The following DAG1 variants were observed in gnomAD, a reference collection of about 807,000 sequenced individuals.
DAG1 encodes the protein dystroglycan 1 (dystrophin-associated glycoprotein 1).
In DAG1, 8 loss-of-function variants were observed where a neutral mutation model predicts 46.1. That is an observed-to-expected ratio of 0.17 (90% confidence interval 0.10 to 0.31). The LOEUF (loss-of-function observed/expected upper bound fraction) is 0.31, where lower values mean the gene tolerates loss of function less well. Ranked by LOEUF, DAG1 falls within the 10% of genes least tolerant of loss-of-function variation. DAG1 has a pLI of 1.00. For synonymous variants in DAG1, 495 were observed against 481.8 expected (o/e 1.03, Z -0.36); for missense variants, 1,003 against 1,189.9 (o/e 0.84, Z 2.31).
At chr3:49,505,332 G>A (rs965840320) in intron 1 of DAG1, among the ~76,000 whole-genome samples, 5 of 151,866 alleles carry the variant, frequency 3.3e-5, no homozygotes, top group Non-Finnish European at 7.4e-5. Context: ...AAACTCCTGG[G>A]TTCCTCCGTC....
At chr3:49,508,272 G>T (rs1271445533) in intron 1 of DAG1, among the ~76,000 whole-genome samples, 6 of 149,580 alleles carry the variant, frequency 4.0e-5, no homozygotes, top group African/African-American at 1.5e-4. Flanking sequence ...TGCATTCTCA[G>T]CTCACTTCAG....
Position 49,532,385 on chromosome 3 carries a change from A to G in DAG1, c.1874A>G (p.Lys625Arg), listed in dbSNP as rs763283347. The change falls in exon 3 of 3, where the codon AAG (lysine) becomes AGG (arginine). Residue 625 changes from lysine to arginine, a missense_variant. Around this residue, in one of 3 missense-constraint regions of DAG1, gnomAD observed 755 missense variants for 854.1 expected, o/e 0.88. Transcript: ENST00000308775. The surrounding 1 kb of genome is among the most constrained non-coding windows in gnomAD (Gnocchi z 5.4). ...GCACTGGTGTTGAATGACATCCACA[A>G]GAAGATTGCCTTGGTAAAGAAACTG... is the stretch of plus-strand genomic sequence containing the variant. ...DPALVLNDIH[K>R]KIALVKKLAF... 2 of 1,614,202 alleles carry G rather than the reference A, an allele frequency of 1.2e-6. No homozygotes were observed. The highest frequency in any genetic ancestry group is 2.2e-5 in the South Asian group (2 of 91,088).
chr3:49,469,593 G>A (rs1037802938), upstream of DAG1, among the ~76,000 whole-genome samples: 7 of 152,148 alleles, frequency 4.6e-5, no homozygotes, highest in African/African-American at 1.7e-4. Context: ...GCAGGGGGAG[G>A]GGACGAGGGT....
intron 1 of DAG1, among the ~76,000 whole-genome samples, chr3:49,486,782 C>T (rs574377653): frequency 2.0e-5 from 3 of 152,292 alleles, no homozygotes; most frequent in Non-Finnish European, 4.4e-5. Context: ...GGATTACAGG[C>T]GTGAGACACT....
At chr3:49,513,317 A>G (rs2107675313) in intron 2 of DAG1, among the ~76,000 whole-genome samples, 1 of 152,208 alleles carries the variant, frequency 6.6e-6, no homozygotes, top group Admixed American at 6.5e-5. Flanking sequence ...AGCACGATAG[A>G]TGGATTTTAA....
At chr3:49,506,016 G>A (rs1453318833) in intron 1 of DAG1, among the ~76,000 whole-genome samples, 1 of 136,162 alleles carries the variant, frequency 7.3e-6, no homozygotes, top group Non-Finnish European at 1.5e-5. Context: ...TTTCACTCCT[G>A]TTGCCCAGGC....
At chr3:49,489,281 G>A (rs1474392126) in intron 1 of DAG1, among the ~76,000 whole-genome samples, 1 of 152,088 alleles carries the variant, frequency 6.6e-6, no homozygotes, top group East Asian at 1.9e-4. Context: ...CAGTAGAAAA[G>A]GGGTTTCTCC....
intron 1 of DAG1, among the ~76,000 whole-genome samples, chr3:49,509,812 T>C (rs1037683222): frequency 1.3e-5 from 2 of 152,092 alleles, no homozygotes; most frequent in Admixed American, 6.6e-5. Context: ...CACTGCAACC[T>C]CCACCTCCCG....
At chr3:49,513,340 C>T (rs779979913) in intron 2 of DAG1, among the ~76,000 whole-genome samples, 3 of 152,016 alleles carry the variant, frequency 2.0e-5, no homozygotes. Context: ...TTAGGTATTT[C>T]AAGAAATAGG....
At chr3:49,497,069 G>T (rs1420211907) in intron 1 of DAG1, among the ~76,000 whole-genome samples, 1 of 151,894 alleles carries the variant, frequency 6.6e-6, no homozygotes, top group African/African-American at 2.4e-5. Context: ...GGAGGCTGAG[G>T]CAGGAGGATT....
chr3:49,528,133 T>C (rs2051233849), intron 2 of DAG1, among the ~76,000 whole-genome samples: 1 of 151,968 alleles, frequency 6.6e-6, no homozygotes, highest in Non-Finnish European at 1.5e-5. Context: ...ATGGTGGTTT[T>C]TTGTTTGTTT....
At chr3:49,513,085 A>G (rs888607191) in intron 2 of DAG1, among the ~76,000 whole-genome samples, 26 of 151,982 alleles carry the variant, frequency 1.7e-4, no homozygotes, top group Admixed American at 1.4e-3. Flanking sequence ...TTTACTCAAC[A>G]TTTTTTGGCC....
chr3:49,476,696 C>T (rs1263972902), intron 1 of DAG1, among the ~76,000 whole-genome samples: 1 of 152,074 alleles, frequency 6.6e-6, no homozygotes, highest in African/African-American at 2.4e-5. Context: ...GTTTCATTTT[C>T]TTACTGTGAC....
intron 1 of DAG1, among the ~76,000 whole-genome samples, chr3:49,498,650 G>T (rs183809481): frequency 1.3e-5 from 2 of 151,304 alleles, no homozygotes; most frequent in Middle Eastern, 3.4e-3. Flanking sequence ...TAGGAACATG[G>T]TATTTTATTA....
intron 1 of DAG1, among the ~76,000 whole-genome samples, chr3:49,478,128 G>T (rs776502221): frequency 6.6e-6 from 1 of 151,728 alleles, no homozygotes; most frequent in Non-Finnish European, 1.5e-5. Context: ...TTAGCCAGGC[G>T]TGGTGGTGTG....
intron 1 of DAG1, among the ~76,000 whole-genome samples, chr3:49,509,932 T>C (rs1364264620): frequency 6.6e-6 from 1 of 152,174 alleles, no homozygotes; most frequent in African/African-American, 2.4e-5. Flanking sequence ...TTTTACCATG[T>C]TGGCCAGGCT....
intron 2 of DAG1, among the ~76,000 whole-genome samples, chr3:49,518,534 C>T (rs1024221729): frequency 5.9e-5 from 9 of 152,158 alleles, no homozygotes; most frequent in African/African-American, 1.4e-4. Flanking sequence ...ATACTTTACA[C>T]GTCAGTCTGC....
chr3:49,503,613 C>T (rs1425882172), intron 1 of DAG1, among the ~76,000 whole-genome samples: 1 of 152,094 alleles, frequency 6.6e-6, no homozygotes, highest in Admixed American at 6.6e-5. Flanking sequence ...GGGTGGATTG[C>T]TTTAGCCCAG....
intron 1 of DAG1, among the ~76,000 whole-genome samples, chr3:49,503,745 G>A (rs778628914): frequency 1.6e-4 from 25 of 151,608 alleles, no homozygotes; most frequent in Non-Finnish European, 3.5e-4. Flanking sequence ...GGAGGATCGC[G>A]TGAGCCCGGG....
Sources: gnomAD v4.1 joint callset for allele counts (sites outside exome capture counted in the v4.1 genomes callset) on GRCh38, gnomAD v4.1.1 for gene constraint, gnomAD v4.1.1 regional missense constraint, Gnocchi (gnomAD v3.1) non-coding constraint, MANE v1.5 for transcripts, NCBI Gene and HGNC (gene_info 2026-07-23, HGNC 2026-07-21) for gene names.